Variants in RSPRY1 observed in about 807,000 individuals in gnomAD.
The protein encoded by RSPRY1 is RING finger and SPRY domain-containing protein 1.
Under a neutral mutation model 73.1 loss-of-function variants are expected in RSPRY1, and 23 were observed. That is an observed-to-expected ratio of 0.31 (90% confidence interval 0.23 to 0.45). The LOEUF (loss-of-function observed/expected upper bound fraction) is 0.45, where lower values mean the gene tolerates loss of function less well. RSPRY1 is among the 20% of genes least tolerant of loss of function. The pLI is 1.00. For synonymous variants in RSPRY1, 226 were observed against 251.4 expected, an observed-to-expected ratio of 0.90 and a Z score of 0.95; for missense variants, 448 against 698.7, an observed-to-expected ratio of 0.64 and a Z score of 4.05.
chr16:57,226,315 G>A (rs1203474565), intron 10 of RSPRY1, among the ~76,000 whole-genome samples: 2 of 152,182 alleles, frequency 1.3e-5, no homozygotes, highest in Non-Finnish European at 2.9e-5. Context: ...TGGACCTCGC[G>A]CAAGAAAGAA....
At chr16:57,225,426 A>G (rs1273776917) in intron 10 of RSPRY1, among the ~76,000 whole-genome samples, 3 of 152,234 alleles carry the variant, frequency 2.0e-5, no homozygotes, top group Admixed American at 6.5e-5. Context: ...AGTGAATATC[A>G]ATAGCTATTT....
At chr16:57,197,721 G>C (rs2146193419) in intron 1 of RSPRY1, among the ~76,000 whole-genome samples, 1 of 151,970 alleles carries the variant, frequency 6.6e-6, no homozygotes, top group East Asian at 1.9e-4. Context: ...TTTTGTTTTT[G>C]TTTTTGTTTT....
At chr16:57,195,180 G>T (rs570413811) in intron 1 of RSPRY1, among the ~76,000 whole-genome samples, 68 of 152,250 alleles carry the variant, frequency 4.5e-4, no homozygotes, top group African/African-American at 1.5e-3. Flanking sequence ...GGAAATATTC[G>T]ATCATAATTA....
At chr16:57,186,927 AC>A (rs2074214483) in intron 1 of RSPRY1, 1 of 152,208 alleles carries the variant, frequency 6.6e-6, no homozygotes, top group South Asian at 2.1e-4. Context: ...TCTAGGTGGC[AC>A]GGATGAGGCA....
At chr16:57,225,458 C>T (rs1001550022) in intron 10 of RSPRY1, among the ~76,000 whole-genome samples, 7 of 152,190 alleles carry the variant, frequency 4.6e-5, no homozygotes, top group Non-Finnish European at 1.0e-4. Flanking sequence ...CTTTGGAGAG[C>T]GTTCCTCCAA....
At chr16:57,233,850 A>G (rs2075263126) in intron 13 of RSPRY1, among the ~76,000 whole-genome samples, 1 of 152,126 alleles carries the variant, frequency 6.6e-6, no homozygotes. Flanking sequence ...ACCATGGTCC[A>G]AGCCTCCACC....
chr16:57,200,257 G>T (rs1470403659), intron 1 of RSPRY1, among the ~76,000 whole-genome samples: 1 of 149,726 alleles, frequency 6.7e-6, no homozygotes, highest in African/African-American at 2.5e-5. Flanking sequence ...CAAGGCAGAA[G>T]AATTTTTCTT....
chr16:57,205,235 C>G, intron 2 of RSPRY1: 2 of 523,554 alleles, frequency 3.8e-6, no homozygotes, highest in African/African-American at 1.9e-5. Flanking sequence ...GTTTCTGTAG[C>G]AGAAAACACG....
intron 4 of RSPRY1, among the ~76,000 whole-genome samples, chr16:57,210,351 A>G (rs2074816466): frequency 6.6e-6 from 1 of 152,102 alleles, no homozygotes; most frequent in African/African-American, 2.4e-5. Flanking sequence ...AAGTGTTGGG[A>G]TTATACGTGT....
intron 11 of RSPRY1, among the ~76,000 whole-genome samples, chr16:57,228,671 G>T (rs997497366): frequency 1.3e-4 from 20 of 152,036 alleles, no homozygotes; most frequent in African/African-American, 4.8e-4. Flanking sequence ...AGCTTTCCAG[G>T]TTATTAAATA....
intron 8 of RSPRY1, chr16:57,220,062 T>C (rs1597906836): frequency 6.6e-6 from 1 of 152,254 alleles, no homozygotes; most frequent in Non-Finnish European, 1.5e-5. Context: ...TATGACTCCA[T>C]AGTATAATTT....
rs1046805325 is a variant in RSPRY1 at position 57,208,053 on chromosome 16, T to C, written c.351-5T>C. The stretch of plus-strand genomic sequence containing the variant: ...AGGTTTAATGCCTTGAATTTTTTTT[T>C]CCAGTGATCAGGAACCTCCCTATTC... On this transcript the variant is annotated splice_region_variant and splice_polypyrimidine_tract_variant and intron_variant, in intron 2 of 14. Coordinates refer to ENST00000394420, the MANE Select transcript of RSPRY1 (RefSeq NM_133368.3). 1.8e-5 allele frequency: 29 copies of C among 1,570,792 alleles called. No homozygotes were observed. The highest frequency in any genetic ancestry group is 1.3e-4 in the East Asian group (6 of 44,488).
chr16:57,233,210 A>G (rs1015782340), intron 13 of RSPRY1, among the ~76,000 whole-genome samples: 1 of 152,116 alleles, frequency 6.6e-6, no homozygotes, highest in African/African-American at 2.4e-5. Context: ...TAATTCTTCC[A>G]TTCATTCTTT....
chr16:57,190,988 A>G (rs1370037848), intron 1 of RSPRY1, among the ~76,000 whole-genome samples: 1 of 152,248 alleles, frequency 6.6e-6, no homozygotes, highest in African/African-American at 2.4e-5. Flanking sequence ...TAAGGAATTT[A>G]TGTACTCCTT....
intron 11 of RSPRY1, among the ~76,000 whole-genome samples, chr16:57,228,678 A>G (rs550887351): frequency 6.6e-6 from 1 of 152,216 alleles, no homozygotes; most frequent in South Asian, 2.1e-4. Flanking sequence ...CAGGTTATTA[A>G]ATAACATTAC....
chr16:57,201,273 T>C (rs1659282733), intron 1 of RSPRY1, among the ~76,000 whole-genome samples: 1 of 150,320 alleles, frequency 6.7e-6, no homozygotes, highest in Admixed American at 6.6e-5. Context: ...GGCTCCTCAC[T>C]TCTCAGACGG....
chr16:57,227,286 G>C, intron 10 of RSPRY1, 56 bp from the exon 11 acceptor site: 1 of 1,187,982 alleles, frequency 8.4e-7, no homozygotes, highest in Non-Finnish European at 1.3e-6. Context: ...CACACTCTCT[G>C]TTCCCAGGTC....
chr16:57,200,953 G>C (rs1211683931), intron 1 of RSPRY1, among the ~76,000 whole-genome samples: 14 of 137,414 alleles, frequency 1.0e-4, no homozygotes, highest in African/African-American at 2.4e-4. Context: ...TGGCCGGGGG[G>C]GGGGGGGGCT....
chr16:57,221,997 T>C (rs2075045052), intron 10 of RSPRY1, among the ~76,000 whole-genome samples: 1 of 152,214 alleles, frequency 6.6e-6, no homozygotes, highest in Non-Finnish European at 1.5e-5. Flanking sequence ...TTCTTGCCAC[T>C]TTATACCCTT....
Sources: allele counts gnomAD v4.1 joint callset (sites outside exome capture counted in the v4.1 genomes callset), GRCh38; gene constraint gnomAD v4.1.1; transcripts MANE v1.5; gene names NCBI Gene and HGNC (gene_info 2026-07-23, HGNC 2026-07-21).